Variants in CCDC178 observed in about 807,000 individuals in gnomAD.
CCDC178 encodes coiled-coil domain-containing protein 178.
Under a neutral mutation model 117.4 loss-of-function variants are expected in CCDC178, and 126 were observed. That is an observed-to-expected ratio of 1.07 (90% confidence interval 0.93 to 1.24). The LOEUF is 1.24. Among genes scored for constraint, CCDC178 ranks in the 50% most tolerant of loss-of-function variants. The probability of loss-of-function intolerance (pLI) is 0.00; values close to 1 mark genes in which losing one functional copy is unlikely to be tolerated. For missense variants in CCDC178, 1,030 were observed against 986.9 expected (o/e 1.04, Z -0.59); for synonymous variants, 283 against 313.4 (o/e 0.90, Z 1.02).
chr18:32,992,410 G>A (rs886970772), intron 21 of CCDC178, among the ~76,000 whole-genome samples: 3 of 152,138 alleles, frequency 2.0e-5, no homozygotes, highest in African/African-American at 7.2e-5. Context: ...TATGTGGTCA[G>A]TCATTCCTAA....
chr18:33,202,865 G>T (rs992771962), intron 20 of CCDC178, among the ~76,000 whole-genome samples: 1 of 152,064 alleles, frequency 6.6e-6, no homozygotes, highest in African/African-American at 2.4e-5. Context: ...CTCTTATTGT[G>T]TATCACATTA....
intron 22 of CCDC178, among the ~76,000 whole-genome samples, chr18:32,964,671 G>C (rs1161180791): frequency 6.6e-6 from 1 of 151,824 alleles, no homozygotes; most frequent in Non-Finnish European, 1.5e-5. Flanking sequence ...GTTTATACCT[G>C]CTTCACGTCC....
chr18:33,231,109 T>G (rs1170348249), intron 15 of CCDC178, among the ~76,000 whole-genome samples: 1 of 152,228 alleles, frequency 6.6e-6, no homozygotes, highest in Non-Finnish European at 1.5e-5. Flanking sequence ...TGAATACATT[T>G]CTTGACCATA....
At chr18:33,275,120 T>G (rs1291583259) in intron 12 of CCDC178, among the ~76,000 whole-genome samples, 1 of 152,104 alleles carries the variant, frequency 6.6e-6, no homozygotes, top group African/African-American at 2.4e-5. Context: ...AAAATGTATT[T>G]ACTTTGCTAT....
chr18:33,412,324 C>A (rs1441092077), intron 2 of CCDC178, among the ~76,000 whole-genome samples: 2 of 151,946 alleles, frequency 1.3e-5, no homozygotes, highest in East Asian at 1.9e-4. Context: ...GATCTTTGAT[C>A]TTCTACTTTG....
At position 33,249,394 on chromosome 18, in the gene CCDC178, G is replaced by GT. The variant is rs528027492; in HGVS notation, c.1410-3967dup. ...TAAGTTTTCTTCTAGGGTTTTTATG[G>GT]TTTTAGGTCTAACATTTAAGTCTTT... On this transcript the variant is annotated intron_variant, in intron 14 of 22. Transcript: ENST00000383096. Among the ~76,000 whole-genome samples, 255 of 152,172 alleles carry GT rather than the reference G, an allele frequency of 1.7e-3. 1 individual carries two copies. The highest frequency in any genetic ancestry group is 6.1e-3 in the African/African-American group (252 of 41,528).
chr18:33,211,623 T>C (rs2059108712), intron 20 of CCDC178, among the ~76,000 whole-genome samples: 1 of 151,784 alleles, frequency 6.6e-6, no homozygotes, highest in African/African-American at 2.4e-5. Context: ...GGAATAAATA[T>C]AGCCTACATT....
intron 21 of CCDC178, among the ~76,000 whole-genome samples, chr18:33,010,117 C>T (rs1043674426): frequency 3.3e-5 from 5 of 152,140 alleles, no homozygotes; most frequent in Admixed American, 3.3e-4. Flanking sequence ...AGTACAATGG[C>T]ATCCTAAAAG....
At chr18:33,193,774 C>A (rs904110014) in intron 20 of CCDC178, among the ~76,000 whole-genome samples, 1 of 152,140 alleles carries the variant, frequency 6.6e-6, no homozygotes, top group Non-Finnish European at 1.5e-5. Flanking sequence ...GGAGTATATT[C>A]ATTCATTTGC....
intron 15 of CCDC178, among the ~76,000 whole-genome samples, 184 bp downstream of exon 15, chr18:33,245,061 C>A (rs1196086143): frequency 6.6e-6 from 1 of 151,964 alleles, no homozygotes; most frequent in African/African-American, 2.4e-5. Flanking sequence ...ATTGAGCCCT[C>A]ATCCTCTTCT....
At chr18:33,383,994 A>G (rs571578856) in intron 5 of CCDC178, among the ~76,000 whole-genome samples, 1 of 152,108 alleles carries the variant, frequency 6.6e-6, no homozygotes, top group South Asian at 2.1e-4. Flanking sequence ...GTTAACTCGA[A>G]TAACCAGTTT....
At chr18:33,224,016 G>C (rs2059271350) in intron 17 of CCDC178, among the ~76,000 whole-genome samples, 1 of 152,100 alleles carries the variant, frequency 6.6e-6, no homozygotes, top group Non-Finnish European at 1.5e-5. Context: ...TCATAGGAAG[G>C]CTTTGAAGCT....
chr18:33,389,449 C>T (rs1384646782), intron 5 of CCDC178, 91 bp downstream of exon 5: 2 of 505,372 alleles, frequency 4.0e-6, no homozygotes, highest in Non-Finnish European at 6.4e-6. Context: ...GGATTTATTT[C>T]AAAATAGAAA....
intron 20 of CCDC178, among the ~76,000 whole-genome samples, chr18:33,165,116 T>G (rs1349339920): frequency 6.6e-6 from 1 of 152,180 alleles, no homozygotes; most frequent in Non-Finnish European, 1.5e-5. Context: ...TTGATACACT[T>G]GTGGTTTGAA....
At chr18:33,233,428 T>C (rs868151634) in intron 15 of CCDC178, among the ~76,000 whole-genome samples, 2 of 152,008 alleles carry the variant, frequency 1.3e-5, no homozygotes, top group African/African-American at 4.8e-5. Context: ...AAGAAGAAAA[T>C]GTATATAAAG....
chr18:33,319,612 GC>G (rs2062475039), intron 11 of CCDC178, among the ~76,000 whole-genome samples: 1 of 151,972 alleles, frequency 6.6e-6, no homozygotes, highest in Admixed American at 6.6e-5. Context: ...TTGAGGAATC[GC>G]CACACTGTCT....
In CCDC178 at chr18:33,348,991, G is replaced by T. The variant is rs758944496; in HGVS notation, c.372-16C>A. 1 of 1,535,638 alleles carries T rather than the reference G, an allele frequency of 6.5e-7. No individual in the cohort carries two copies. Among genetic ancestry groups the T allele is most frequent in the South Asian group, 1.2e-5 (1 of 85,322 alleles). On this transcript the variant is annotated splice_polypyrimidine_tract_variant and intron_variant, in intron 7 of 22. Transcript: ENST00000383096. Reference sequence around the variant, plus strand: ...AGTTCTGCTCCTATATAATGGGAAAGAAGCAAGCAGTAAAGAAGTACTTAA... The same window carrying T: ...AGTTCTGCTCCTATATAATGGGAAATAAGCAAGCAGTAAAGAAGTACTTAA...
intron 21 of CCDC178, among the ~76,000 whole-genome samples, chr18:33,072,273 C>G (rs951422207): frequency 6.6e-6 from 1 of 151,898 alleles, no homozygotes; most frequent in Non-Finnish European, 1.5e-5. Flanking sequence ...CAATCAAACA[C>G]AAATAATTTA....
intron 21 of CCDC178, among the ~76,000 whole-genome samples, chr18:33,024,460 C>A (rs1001932078): frequency 6.6e-6 from 1 of 152,012 alleles, no homozygotes; most frequent in Non-Finnish European, 1.5e-5. Context: ...ACCAGCCATA[C>A]CGAATTAGGG....
Sources: allele counts gnomAD v4.1 joint callset (sites outside exome capture counted in the v4.1 genomes callset), GRCh38; gene constraint gnomAD v4.1.1; transcripts MANE v1.5; gene names NCBI Gene and HGNC (gene_info 2026-07-23, HGNC 2026-07-21).